Variants in COBL observed in about 807,000 individuals in gnomAD.
COBL encodes cordon-bleu WH2 repeat protein.
In COBL, 51 loss-of-function variants were observed where a neutral mutation model predicts 98.8. The ratio of observed to expected loss-of-function variants is 0.52; its 90% CI spans 0.41 to 0.65. The LOEUF (loss-of-function observed/expected upper bound fraction) is 0.65. Among genes scored for constraint, COBL ranks in the 30% least tolerant of loss-of-function variants. The pLI is 0.00. For synonymous variants in COBL, 634 were observed against 651.7 expected (o/e 0.97, Z 0.41); for missense variants, 1,617 against 1,617.5 (o/e 1.00, Z 0.01).
chr7:51,070,359 A>G (rs1006534299), intron 7 of COBL, among the ~76,000 whole-genome samples: 2 of 141,692 alleles, frequency 1.4e-5, no homozygotes, highest in Admixed American at 1.5e-4. Context: ...CTCCTGCTCC[A>G]CATTCCTTGG....
chr7:51,106,038 CA>C (rs527330225), intron 6 of COBL, among the ~76,000 whole-genome samples: 6,486 of 123,658 alleles, frequency 0.052, 414 homozygotes, highest in African/African-American at 0.17. Flanking sequence ...ACTAAAAATA[CA>C]AAAAAAAAAA....
intron 2 of COBL, among the ~76,000 whole-genome samples, chr7:51,213,409 T>A (rs1341727386): frequency 6.6e-6 from 1 of 152,208 alleles, no homozygotes; most frequent in African/African-American, 2.4e-5. Flanking sequence ...GAGAACCTAG[T>A]GATACACATA....
At chr7:51,132,125 T>C (rs936050239) in intron 6 of COBL, among the ~76,000 whole-genome samples, 39 of 152,210 alleles carry the variant, frequency 2.6e-4, no homozygotes, top group South Asian at 1.0e-3. Context: ...GCAAATTTGA[T>C]TTTTAAATAT....
At chr7:51,280,293 C>T (rs2129175459) in intron 1 of COBL, among the ~76,000 whole-genome samples, 1 of 152,214 alleles carries the variant, frequency 6.6e-6, no homozygotes, top group East Asian at 1.9e-4. Context: ...GGGAATGGGT[C>T]CCCTAATGTT....
At chr7:51,047,265 A>G (rs1352550676) in intron 7 of COBL, among the ~76,000 whole-genome samples, 1 of 152,220 alleles carries the variant, frequency 6.6e-6, no homozygotes, top group Non-Finnish European at 1.5e-5. Context: ...CTTCTAAATG[A>G]ATAGCCACAG....
intron 5 of COBL, chr7:51,156,466 G>A (rs1448427034): frequency 1.0e-6 from 1 of 984,894 alleles, no homozygotes. Context: ...GCATCACCCA[G>A]AATTATTCAG....
At chr7:51,219,668 A>G in intron 2 of COBL, 73 bp downstream of exon 2, 1 of 1,491,838 alleles carries the variant, frequency 6.7e-7, no homozygotes, top group Non-Finnish European at 9.2e-7. Context: ...ATACATCAAC[A>G]TCCGCCTTTC....
chr7:51,082,636 T>G (rs2128936581), intron 7 of COBL, among the ~76,000 whole-genome samples: 1 of 151,976 alleles, frequency 6.6e-6, no homozygotes, highest in South Asian at 2.1e-4. Context: ...CACAGCTAAC[T>G]TACGAAGGAC....
intron 1 of COBL, among the ~76,000 whole-genome samples, chr7:51,311,223 G>A (rs577390927): frequency 8.5e-5 from 13 of 152,276 alleles, no homozygotes; most frequent in African/African-American, 2.2e-4. Context: ...TTGGCCTATA[G>A]AAGACAATGC....
intron 8 of COBL, among the ~76,000 whole-genome samples, chr7:51,039,219 T>C (rs1788932498): frequency 6.6e-6 from 1 of 152,232 alleles, no homozygotes; most frequent in African/African-American, 2.4e-5. Flanking sequence ...TTTGCTATTG[T>C]TTCTCTCAAC....
chr7:51,208,638 A>G (rs1462531141), intron 2 of COBL, among the ~76,000 whole-genome samples: 1 of 152,356 alleles, frequency 6.6e-6, no homozygotes, highest in East Asian at 1.9e-4. Flanking sequence ...AGGTGGGGAA[A>G]AGACTGAGAA....
At chr7:51,240,012 G>A (rs1795637573) in intron 1 of COBL, among the ~76,000 whole-genome samples, 1 of 152,064 alleles carries the variant, frequency 6.6e-6, no homozygotes, top group Non-Finnish European at 1.5e-5. Flanking sequence ...TCTCACTTAT[G>A]GACACAATTT....
intron 1 of COBL, among the ~76,000 whole-genome samples, chr7:51,258,075 T>G (rs997804188): frequency 2.6e-5 from 4 of 152,246 alleles, no homozygotes; most frequent in Non-Finnish European, 4.4e-5. Context: ...GTAGCTCTTT[T>G]CAAAATATAC....
At chr7:51,114,392 A>G (rs1157492267) in intron 6 of COBL, among the ~76,000 whole-genome samples, 2 of 152,094 alleles carry the variant, frequency 1.3e-5, no homozygotes, top group Non-Finnish European at 2.9e-5. Flanking sequence ...ATCCAGAGAT[A>G]ATAAGTGTTT....
chr7:51,096,696 T>C (rs1795302905), intron 6 of COBL, among the ~76,000 whole-genome samples: 1 of 152,008 alleles, frequency 6.6e-6, no homozygotes, highest in African/African-American at 2.4e-5. Context: ...AAAAAGATCA[T>C]AGGAGGCTAT....
intron 1 of COBL, among the ~76,000 whole-genome samples, chr7:51,241,580 T>C (rs1213122178): frequency 6.6e-6 from 1 of 152,166 alleles, no homozygotes; most frequent in Non-Finnish European, 1.5e-5. Flanking sequence ...TAATCTATAT[T>C]TTTTAAAAAA....
At chr7:51,136,570 G>A (rs1049388928) in intron 5 of COBL, among the ~76,000 whole-genome samples, 1 of 152,156 alleles carries the variant, frequency 6.6e-6, no homozygotes, top group Admixed American at 6.5e-5. Context: ...GAAGGCCATG[G>A]CAGACTCTTT....
At chr7:51,274,077 C>T (rs112816177) in intron 1 of COBL, among the ~76,000 whole-genome samples, 15 of 152,144 alleles carry the variant, frequency 9.9e-5, no homozygotes, top group Non-Finnish European at 1.9e-4. Flanking sequence ...GCTCACAGTT[C>T]CCCCCAGTCC....
At chr7:51,038,890 C>T (rs1353245041) in intron 8 of COBL, among the ~76,000 whole-genome samples, 3 of 152,218 alleles carry the variant, frequency 2.0e-5, no homozygotes, top group African/African-American at 7.2e-5. Flanking sequence ...ATGGAGAGGG[C>T]TCATGTCACA....
Sources: gnomAD v4.1 joint callset for allele counts (sites outside exome capture counted in the v4.1 genomes callset) on GRCh38, gnomAD v4.1.1 for gene constraint, MANE v1.5 for transcripts, NCBI Gene and HGNC (gene_info 2026-07-23, HGNC 2026-07-21) for gene names.